Variants in RAP1GAP2 observed in about 807,000 individuals in gnomAD.
The protein encoded by RAP1GAP2 is RAP1 GTPase activating protein 2, also known as rap1 GTPase-activating protein 2.
Under a neutral mutation model 95.0 loss-of-function variants are expected in RAP1GAP2, and 27 were observed. The ratio of observed to expected loss-of-function variants is 0.28; its 90% CI spans 0.21 to 0.39. The LOEUF is 0.39. RAP1GAP2 is among the 10% of genes least tolerant of loss of function. The pLI is 1.00. For synonymous variants in RAP1GAP2, 373 were observed against 380.9 expected (o/e 0.98, Z 0.24); for missense variants, 771 against 970.0 (o/e 0.79, Z 2.72).
chr17:2,838,490 A>G (rs1380513977), intron 2 of RAP1GAP2, among the ~76,000 whole-genome samples: 1 of 151,866 alleles, frequency 6.6e-6, no homozygotes, highest in Non-Finnish European at 1.5e-5. Context: ...GAGAGTTGGG[A>G]TGGTGACCTG....
intron 2 of RAP1GAP2, among the ~76,000 whole-genome samples, chr17:2,828,063 G>A (rs545757940): frequency 9.2e-5 from 14 of 152,010 alleles, no homozygotes; most frequent in African/African-American, 2.7e-4. Flanking sequence ...ATCCTGGGCC[G>A]GGTGCGGTGG....
intron 3 of RAP1GAP2, among the ~76,000 whole-genome samples, chr17:2,924,988 G>T (rs1162378235): frequency 6.6e-6 from 1 of 152,206 alleles, no homozygotes; most frequent in Non-Finnish European, 1.5e-5. Flanking sequence ...GATCCCCAAT[G>T]GTGCCCTGAC....
In RAP1GAP2 at chr17:3,027,470, C is replaced by T. The variant is rs187615218; in HGVS notation, c.2107+400C>T. ...TGTCGGGGGTCTTGATAATACAAGA[C>T]GGGGGAAGGGCTGCAGGGGGAGGGA... On this transcript the variant is annotated intron_variant, in intron 22 of 24. Transcript: ENST00000254695. This position sits in a 1 kb window ranked among gnomAD's most constrained non-coding sequence, Gnocchi z 5.2. 0.01 allele frequency among the ~76,000 whole-genome samples: 1,585 copies of T among 152,012 alleles called. 16 individuals carry two copies. Among genetic ancestry groups the T allele is most frequent in the African/African-American group, 0.036 (1,475 of 41,456 alleles).
At chr17:2,810,617 G>C (rs1320023150) in intron 2 of RAP1GAP2, among the ~76,000 whole-genome samples, 1 of 131,044 alleles carries the variant, frequency 7.6e-6, no homozygotes, top group Admixed American at 9.9e-5. Context: ...TGCAACCTCT[G>C]CCTCCCAGGT....
At chr17:2,760,611 G>C (rs2071228168) in intron 1 of RAP1GAP2, among the ~76,000 whole-genome samples, 1 of 151,646 alleles carries the variant, frequency 6.6e-6, no homozygotes, top group African/African-American at 2.4e-5. Flanking sequence ...AGAGTGCTGG[G>C]ATTACAGGCG....
rs868264984 is a variant in RAP1GAP2, at chr17:2,997,958, G to A, written c.1045-263G>A. On this transcript the variant is annotated intron_variant, in intron 13 of 24. Coordinates refer to ENST00000254695, the MANE Select transcript of RAP1GAP2 (RefSeq NM_015085.5). ...AAAAAAGAAAAAAAAAAGATTGAAA[G>A]AAGAACCCCCCTGGTTTTCCCCAAA... 1.0e-2 allele frequency among the ~76,000 whole-genome samples: 1,452 copies of A among 145,678 alleles called. 12 individuals are homozygous for A. Among genetic ancestry groups the A allele is most frequent in the South Asian group, 0.032 (145 of 4,586 alleles).
rs961425157 is a variant in RAP1GAP2, at chr17:2,867,418, C to G, written c.81-37866C>G. Among the ~76,000 whole-genome samples, 1 of 152,162 alleles carries G rather than the reference C, an allele frequency of 6.6e-6. No individual in the cohort carries two copies. Among genetic ancestry groups the G allele is most frequent in the South Asian group, 2.1e-4 (1 of 4,826 alleles). On this transcript the variant is annotated intron_variant, in intron 2 of 24. Transcript: ENST00000254695. This position sits in a 1 kb window ranked among gnomAD's most constrained non-coding sequence, Gnocchi z 4.5. ...CTAGGCTGTGCCTTCCTTTGGGTTG[C>G]CTTCGTCCTCAGGTACCTTATCCAC...
intron 3 of RAP1GAP2, among the ~76,000 whole-genome samples, chr17:2,956,305 C>T (rs1597716070): frequency 6.6e-6 from 1 of 152,224 alleles, no homozygotes; most frequent in Admixed American, 6.5e-5. Context: ...TCCTGAACTG[C>T]TGGTAGGTCG....
At chr17:3,017,916 CGTGTGTGTGTGT>C (rs56791699) in intron 17 of RAP1GAP2, 133 bp from the exon 18 acceptor site, 79 of 562,232 alleles carry the variant, frequency 1.4e-4, no homozygotes, top group Middle Eastern at 4.6e-4. Flanking sequence ...CCTCTGTGAC[CGTGTGTGTGTGT>C]GTGTGTGTGT....
intron 3 of RAP1GAP2, among the ~76,000 whole-genome samples, chr17:2,914,949 G>A (rs1203238864): frequency 1.3e-5 from 2 of 151,472 alleles, no homozygotes; most frequent in South Asian, 2.1e-4. Context: ...CCGCCACCAC[G>A]CCCAGCTAAT....
In RAP1GAP2 at chr17:3,029,188, C is replaced by G. The variant is rs974996588; in HGVS notation, c.2108-1734C>G. Among the ~76,000 whole-genome samples, 3 of 152,264 alleles carry G rather than the reference C, an allele frequency of 2.0e-5. No individual in the cohort carries two copies. Among genetic ancestry groups the G allele is most frequent in the African/African-American group, 4.8e-5 (2 of 41,550 alleles). On this transcript the variant is annotated intron_variant, in intron 22 of 24. Transcript: ENST00000254695. This position sits in a 1 kb window ranked among gnomAD's most constrained non-coding sequence, Gnocchi z 4.4. ...AGAATCTGTAAGCAAGCCTGGCCCC[C>G]ACTTGGTGTTAAATAAACGTCAAAG...
At chr17:2,994,579 C>T (rs36014585) in intron 12 of RAP1GAP2, among the ~76,000 whole-genome samples, 18,174 of 152,212 alleles carry the variant, frequency 0.12, 1,341 homozygotes, top group Non-Finnish European at 0.17. Context: ...ACTCCAGATG[C>T]TCCTCTGGGG....
intron 2 of RAP1GAP2, among the ~76,000 whole-genome samples, chr17:2,898,992 G>A (rs2041934526): frequency 1.4e-5 from 2 of 143,212 alleles, no homozygotes; most frequent in Admixed American, 1.4e-4. Flanking sequence ...GCAGCCCCTG[G>A]CAACCTCTCA....
intron 2 of RAP1GAP2, among the ~76,000 whole-genome samples, chr17:2,804,729 C>G (rs577017236): frequency 1.3e-5 from 2 of 152,276 alleles, no homozygotes; most frequent in Admixed American, 1.3e-4. Flanking sequence ...AACTGCAGTG[C>G]AGGGGTACAG....
intron 2 of RAP1GAP2, among the ~76,000 whole-genome samples, chr17:2,833,066 T>C (rs2070962200): frequency 6.6e-6 from 1 of 152,096 alleles, no homozygotes; most frequent in African/African-American, 2.4e-5. Flanking sequence ...TCATTCCTTC[T>C]AATCACAGTT....
intron 1 of RAP1GAP2, among the ~76,000 whole-genome samples, chr17:2,768,959 G>A (rs1171902029): frequency 1.3e-5 from 2 of 150,864 alleles, no homozygotes; most frequent in African/African-American, 2.5e-5. Context: ...AGGCTCAGTG[G>A]TGCACTCCTG....
At position 3,035,535 on chromosome 17, in the gene RAP1GAP2, G is replaced by T. The variant is rs564213614; in HGVS notation, c.*2174G>T. ...TCCCTGCCTCTGAGCTGGTGGGCAGGATGGCTGGGTGGCCCCCAGAGAAGC... is the reference window on the plus strand; with the variant it reads ...TCCCTGCCTCTGAGCTGGTGGGCAGTATGGCTGGGTGGCCCCCAGAGAAGC... On this transcript the variant is annotated 3_prime_UTR_variant, in exon 25 of 25. Transcript: ENST00000254695. The surrounding 1 kb of genome is among the most constrained non-coding windows in gnomAD (Gnocchi z 4.3). The T allele has an allele frequency of 9.2e-4, 141 of 152,980 alleles. 2 individuals are homozygous for T. The highest frequency in any genetic ancestry group is 1.6e-3 in the Non-Finnish European group (112 of 68,540). The allele number at this position is 152,980 out of a possible 1,614,324, so 9.5% of individuals were successfully genotyped here. A position where few individuals can be genotyped will look rare whatever the true frequency, so the allele number is the denominator to read the frequency against.
intron 8 of RAP1GAP2, among the ~76,000 whole-genome samples, chr17:2,969,381 A>C (rs1323562006): frequency 1.3e-5 from 2 of 151,900 alleles, no homozygotes; most frequent in South Asian, 2.1e-4. Flanking sequence ...AAAAAAGCCC[A>C]ACAAACAAAA....
At chr17:2,911,611 C>T (rs1597587699) in intron 3 of RAP1GAP2, among the ~76,000 whole-genome samples, 1 of 149,144 alleles carries the variant, frequency 6.7e-6, no homozygotes, top group East Asian at 2.0e-4. Context: ...AACCAGATGG[C>T]TCAGTGTGAC....
Sources: gnomAD v4.1 joint callset for allele counts (sites outside exome capture counted in the v4.1 genomes callset) on GRCh38, gnomAD v4.1.1 for gene constraint, Gnocchi (gnomAD v3.1) non-coding constraint, MANE v1.5 for transcripts, NCBI Gene and HGNC (gene_info 2026-07-23, HGNC 2026-07-21) for gene names.